Variants in SECISBP2 observed in about 807,000 individuals in gnomAD.
SECISBP2 encodes the protein selenocysteine insertion sequence-binding protein 2.
A neutral mutation model predicts 98.2 loss-of-function variants in SECISBP2; 96 were observed. The ratio of observed to expected loss-of-function variants is 0.98; its 90% CI spans 0.83 to 1.16. The LOEUF (loss-of-function observed/expected upper bound fraction) is 1.16. SECISBP2 is among the 50% of genes most tolerant of loss of function. The pLI is 0.00. For synonymous variants in SECISBP2, 407 were observed against 370.2 expected (o/e 1.10, Z -1.14); for missense variants, 1,046 against 1,022.9 (o/e 1.02, Z -0.31).
At chr9:89,363,503 G>A (rs138052277), downstream of SECISBP2, 12 of 1,613,912 alleles carry the variant, frequency 7.4e-6, no homozygotes, top group African/African-American at 1.2e-4. Context: ...GAGCTCTCTG[G>A]TCCACCTCTC....
intron 7 of SECISBP2, among the ~76,000 whole-genome samples, chr9:89,335,215 G>GA (rs557569242): frequency 0.016 from 1,923 of 121,892 alleles, 19 homozygotes; most frequent in Middle Eastern, 0.041. Flanking sequence ...GACGTCGTCT[G>GA]AAAAAAAAAA....
intron 14 of SECISBP2, among the ~76,000 whole-genome samples, chr9:89,354,386 G>T (rs1002327457): frequency 1.3e-5 from 2 of 152,168 alleles, no homozygotes; most frequent in African/African-American, 2.4e-5. Flanking sequence ...GGGAAACCAG[G>T]CTCCAGCTTC....
chr9:89,353,799 G>GC (rs1389711345), intron 14 of SECISBP2, among the ~76,000 whole-genome samples: 2 of 152,228 alleles, frequency 1.3e-5, no homozygotes, highest in Admixed American at 1.3e-4. Context: ...CTCTGCCTCT[G>GC]CCAGAGCATG....
chr9:89,360,670 A>T (rs1205041364), downstream of SECISBP2: 2 of 152,186 alleles, frequency 1.3e-5, no homozygotes, highest in Non-Finnish European at 2.9e-5. Context: ...TTTTCTTGGC[A>T]GTGAAGGACT....
chr9:89,344,289 T>G (rs1830119399), intron 10 of SECISBP2, among the ~76,000 whole-genome samples: 1 of 152,248 alleles, frequency 6.6e-6, no homozygotes, highest in Admixed American at 6.5e-5. Context: ...ATGGTTTGTT[T>G]TGCAATGCAG....
chr9:89,349,642 C>T (rs1168338507), intron 12 of SECISBP2, 134 bp from the exon 13 acceptor site: 2 of 965,302 alleles, frequency 2.1e-6, no homozygotes, highest in Admixed American at 3.8e-5. Context: ...CTGTAAACCT[C>T]TCTGCATGTT....
At chr9:89,349,704 G>A in intron 12 of SECISBP2, 72 bp from the exon 13 acceptor site, 1 of 1,531,268 alleles carries the variant, frequency 6.5e-7, no homozygotes, top group Non-Finnish European at 9.1e-7. Context: ...CGGTGAGACT[G>A]CATTGGGCCA....
chr9:89,357,692 AC>A, intron 15 of SECISBP2, 127 bp downstream of exon 15: 1 of 1,157,984 alleles, frequency 8.6e-7, no homozygotes, highest in Non-Finnish European at 1.3e-6. Flanking sequence ...AGGAGGAGCC[AC>A]CACTTAGGCA....
At chr9:89,333,932 C>A in intron 6 of SECISBP2, 1 of 664,894 alleles carries the variant, frequency 1.5e-6, no homozygotes, top group Non-Finnish European at 1.9e-6. Context: ...GTGAGGGGAA[C>A]AGTCTGTTTT....
intron 14 of SECISBP2, among the ~76,000 whole-genome samples, chr9:89,351,724 A>T (rs373837030): frequency 1.8e-4 from 27 of 152,188 alleles, no homozygotes; most frequent in African/African-American, 6.5e-4. Flanking sequence ...CCCAGCCAGC[A>T]GCTCGTCCCT....
chr9:89,357,327 T>G, intron 14 of SECISBP2, 84 bp from the exon 15 acceptor site: 1 of 1,466,684 alleles, frequency 6.8e-7, no homozygotes, highest in Non-Finnish European at 9.6e-7. Context: ...GGTGTGTTGC[T>G]AAGAAAAAGC....
chr9:89,339,777 TGAA>T, intron 8 of SECISBP2, 84 bp from the exon 9 acceptor site: 1 of 948,562 alleles, frequency 1.1e-6, no homozygotes, highest in Non-Finnish European at 1.7e-6. Flanking sequence ...GGGACCTTAC[TGAA>T]GAATGAAAAT....
downstream of SECISBP2, chr9:89,362,290 G>T: frequency 6.3e-7 from 1 of 1,591,336 alleles, no homozygotes; most frequent in Non-Finnish European, 8.6e-7. Flanking sequence ...GCAGGCTTGG[G>T]CAAGACAGTT....
chr9:89,327,229 A>G (rs1826879142), intron 4 of SECISBP2, among the ~76,000 whole-genome samples: 1 of 152,248 alleles, frequency 6.6e-6, no homozygotes, highest in African/African-American at 2.4e-5. Context: ...TGGAGCTGGC[A>G]GAACTGGAAG....
At position 89,325,941 on chromosome 9, in the gene SECISBP2, T is replaced by C. The variant is rs1352104210; in HGVS notation, c.477T>C (p.Phe159=). 12 of 1,613,998 alleles carry C rather than the reference T, an allele frequency of 7.4e-6. No individual in the cohort carries two copies. The highest frequency in any genetic ancestry group is 1.0e-5 in the Non-Finnish European group (12 of 1,180,016). ...AAAAAACGTATGATCAGCAAAAGTT[T>C]GACAGTGAAAGGGCTGATGGAACTA... ...DEKKTYDQQK[F]DSERADGTIS... Residue 159 remains phenylalanine (F), a synonymous_variant, in exon 4 of 17, where the codon TTT becomes TTC. Coordinates refer to ENST00000375807, the MANE Select transcript of SECISBP2 (RefSeq NM_024077.5).
intron 5 of SECISBP2, among the ~76,000 whole-genome samples, chr9:89,332,254 C>T (rs1205385145): frequency 6.6e-6 from 1 of 152,110 alleles, no homozygotes; most frequent in Non-Finnish European, 1.5e-5. Flanking sequence ...ACACAGCCTC[C>T]TTCATTATCA....
intron 4 of SECISBP2, among the ~76,000 whole-genome samples, 162 bp downstream of exon 4, chr9:89,326,200 AT>A (rs1297242475): frequency 1.3e-5 from 2 of 152,222 alleles, no homozygotes; most frequent in African/African-American, 4.8e-5. Context: ...TTCCTGAGCA[AT>A]TCTAGAGGTA....
downstream of SECISBP2, among the ~76,000 whole-genome samples, chr9:89,359,859 T>A (rs1314316852): frequency 2.0e-5 from 3 of 152,204 alleles, no homozygotes; most frequent in Admixed American, 1.3e-4. Flanking sequence ...AGATCCTGGC[T>A]CAATCCCAAC....
rs111509937 is a variant in SECISBP2, at chr9:89,341,531, G to T, written c.1435+52G>T. On this transcript the variant is annotated intron_variant, in intron 10 of 16. Coordinates refer to ENST00000375807, the MANE Select transcript of SECISBP2 (RefSeq NM_024077.5). ...AGTGATTGGAAGTCTTTTTCAGCTA[G>T]ATTATTATGTTACCATTTTCTCTTG... 2.4e-3 allele frequency: 3,794 copies of T among 1,603,748 alleles called. 23 individuals carry two copies. The highest frequency in any genetic ancestry group is 0.015 in the Middle Eastern group (91 of 6,044).
Sources: allele counts gnomAD v4.1 joint callset (sites outside exome capture counted in the v4.1 genomes callset), GRCh38; gene constraint gnomAD v4.1.1; transcripts MANE v1.5; gene names NCBI Gene and HGNC (gene_info 2026-07-23, HGNC 2026-07-21).